KIF26B: variants seen among roughly 807,000 people sequenced by gnomAD.
KIF26B encodes kinesin-like protein KIF26B.
KIF26B carries 63 observed loss-of-function variants against 151.2 expected under a neutral mutation model. The ratio of observed to expected loss-of-function variants is 0.42; its 90% confidence interval spans 0.34 to 0.51. The LOEUF is 0.51. KIF26B is among the 20% of genes least tolerant of loss of function. The pLI, the probability that KIF26B is intolerant of heterozygous loss-of-function variation, is 0.07. For synonymous variants in KIF26B, 1,357 were observed against 1,262.1 expected, an observed-to-expected ratio of 1.08 and a Z score of -1.59; for missense variants, 2,813 against 2,913.6, an observed-to-expected ratio of 0.97 and a Z score of 0.79.
chr1:245,443,428 AC>A (rs1269491469), intron 4 of KIF26B, among the ~76,000 whole-genome samples: 2 of 65,234 alleles, frequency 3.1e-5, no homozygotes, highest in Admixed American at 1.6e-4. Context: ...CTCACTGTTC[AC>A]CCTGCGGTCA....
intron 2 of KIF26B, among the ~76,000 whole-genome samples, chr1:245,295,560 C>T (rs1456751013): frequency 1.3e-5 from 2 of 152,224 alleles, no homozygotes; most frequent in South Asian, 2.1e-4. Flanking sequence ...CATTCAGTGG[C>T]GTTTTCAGTC....
chr1:245,683,789 C>A (rs570519573), intron 10 of KIF26B, among the ~76,000 whole-genome samples: 61 of 152,300 alleles, frequency 4.0e-4, no homozygotes, highest in African/African-American at 1.4e-3. Context: ...ATCTTTAATC[C>A]AGGTTCGTGG....
intron 2 of KIF26B, among the ~76,000 whole-genome samples, chr1:245,324,978 C>T (rs887595562): frequency 6.6e-6 from 1 of 151,546 alleles, no homozygotes; most frequent in African/African-American, 2.4e-5. Context: ...ACCTGTAATC[C>T]CACCTACTCA....
intron 5 of KIF26B, among the ~76,000 whole-genome samples, chr1:245,558,880 G>A (rs1047638232): frequency 1.3e-5 from 2 of 152,210 alleles, no homozygotes; most frequent in Admixed American, 6.5e-5. Flanking sequence ...GTGACTGAAT[G>A]CATTTTTCTG....
At chr1:245,640,143 C>CTCTCTCTCTCTATATATATATATATATA in intron 9 of KIF26B, among the ~76,000 whole-genome samples, 1 of 31,922 alleles carries the variant, frequency 3.1e-5, no homozygotes, top group African/African-American at 1.4e-4. Flanking sequence ...CTCTCTCTCT[C>CTCTCTCTCTCTATATATATATATATATA]TATATATATA....
rs542625814 is a variant in KIF26B, at chr1:245,631,487, G to A, written c.2099-14634G>A. ...CTAGGATAAATCCCACTTGATTATG[G>A]TGTATTATGTTATTGGTGTGTTGTT... On this transcript the variant is annotated intron_variant, in intron 9 of 14. Transcript: ENST00000407071. Among the ~76,000 whole-genome samples the A allele has an allele frequency of 3.3e-5, 5 of 152,196 alleles. No individual in the cohort carries two copies. In the South Asian group the frequency reaches 8.3e-4, roughly 25 times the overall value.
chr1:245,491,480 G>A (rs1430055018), intron 4 of KIF26B, among the ~76,000 whole-genome samples: 1 of 152,156 alleles, frequency 6.6e-6, no homozygotes, highest in Admixed American at 6.5e-5. Context: ...GCATGATCCT[G>A]ACCTAACTTG....
At chr1:245,481,786 C>T (rs1660172792) in intron 4 of KIF26B, among the ~76,000 whole-genome samples, 1 of 151,740 alleles carries the variant, frequency 6.6e-6, no homozygotes, top group Non-Finnish European at 1.5e-5. Context: ...CTTCAGAATT[C>T]CCCTAGTGCC....
intron 2 of KIF26B, among the ~76,000 whole-genome samples, chr1:245,329,023 A>G (rs996584566): frequency 1.3e-5 from 2 of 152,220 alleles, no homozygotes; most frequent in Non-Finnish European, 2.9e-5. Flanking sequence ...AAAAGGCATG[A>G]AATTGTGGAT....
In KIF26B at chr1:245,686,542, G is replaced by A. The variant is rs369063711; in HGVS notation, c.3559G>A (p.Glu1187Lys). 17 of 1,613,122 alleles carry A rather than the reference G, an allele frequency of 1.1e-5. No homozygotes were observed. The highest frequency in any genetic ancestry group is 3.3e-5 in the South Asian group (3 of 91,070). The change falls in exon 12 of 15, where the codon GAG (glutamate) becomes AAG (lysine). Residue 1187 changes from glutamate to lysine, a missense_variant. Transcript: ENST00000407071. This position sits in a 1 kb window ranked among gnomAD's most constrained non-coding sequence, Gnocchi z 5.6. ...QQPLELNGED[E>K]LVFTLVEELT... ...GCCACTGGAGCTGAACGGTGAGGAC[G>A]AGCTGGTGTTCACGCTGGTGGAGGA... is the stretch of plus-strand genomic sequence containing the variant.
chr1:245,157,661 G>A (rs1478588553), intron 2 of KIF26B, among the ~76,000 whole-genome samples: 1 of 152,194 alleles, frequency 6.6e-6, no homozygotes, highest in African/African-American at 2.4e-5. Context: ...AACTTAAAAT[G>A]GGGGAAATGA....
rs985884509 is a variant in KIF26B at position 245,681,278 on chromosome 1, C to T, written c.2259-2955C>T. Among the ~76,000 whole-genome samples, 11 of 151,544 alleles carry T rather than the reference C, an allele frequency of 7.3e-5. No homozygotes were observed. In the South Asian group the frequency reaches 1.5e-3, roughly 20 times the overall value. On this transcript the variant is annotated intron_variant, in intron 10 of 14. Coordinates refer to ENST00000407071, the MANE Select transcript of KIF26B (RefSeq NM_018012.4). ...AGGCTGAAGTGCAGTGGCGCGATCACGGCTCACTGCAAGCTCCACCCCCCG... is the reference window on the plus strand; with the variant it reads ...AGGCTGAAGTGCAGTGGCGCGATCATGGCTCACTGCAAGCTCCACCCCCCG...
chr1:245,521,932 C>G (rs181098206), intron 4 of KIF26B, among the ~76,000 whole-genome samples: 22,388 of 148,184 alleles, frequency 0.15, 2,194 homozygotes, highest in Middle Eastern at 0.28. Flanking sequence ...TGCAGTGGTG[C>G]GATCTCGGCT....
chr1:245,457,852 C>T (rs1213562407), intron 4 of KIF26B, among the ~76,000 whole-genome samples: 2 of 152,154 alleles, frequency 1.3e-5, no homozygotes, highest in African/African-American at 4.8e-5. Context: ...GTTGCTACAA[C>T]GAGCATTGTT....
chr1:245,641,276 A>G (rs2043888977), intron 9 of KIF26B, among the ~76,000 whole-genome samples: 1 of 130,878 alleles, frequency 7.6e-6, no homozygotes, highest in South Asian at 2.2e-4. Flanking sequence ...TTTGCCTTTG[A>G]CCTTTGTGAG....
chr1:245,506,785 A>G (rs181538363), intron 4 of KIF26B, among the ~76,000 whole-genome samples: 45 of 152,310 alleles, frequency 3.0e-4, no homozygotes, highest in African/African-American at 1.0e-3. Context: ...GGTTCAAGCA[A>G]TTCTCCTGCC....
chr1:245,599,270 T>C (rs1363858225), intron 5 of KIF26B, among the ~76,000 whole-genome samples: 3 of 152,084 alleles, frequency 2.0e-5, no homozygotes, highest in Admixed American at 1.3e-4. Context: ...TTCCTTCCTT[T>C]AAGGGAAAAA....
chr1:245,178,802 T>C (rs6702115), intron 2 of KIF26B, among the ~76,000 whole-genome samples: 31,491 of 152,058 alleles, frequency 0.21, 4,385 homozygotes, highest in East Asian at 0.4. Flanking sequence ...GTACCGCCTG[T>C]GACGTGGGCT....
At chr1:245,538,607 A>G (rs1661535695) in intron 4 of KIF26B, among the ~76,000 whole-genome samples, 1 of 152,132 alleles carries the variant, frequency 6.6e-6, no homozygotes, top group African/African-American at 2.4e-5. Context: ...GCCTTTCAGT[A>G]TCACTCCCTT....
Sources: allele counts gnomAD v4.1 joint callset (sites outside exome capture counted in the v4.1 genomes callset), GRCh38; gene constraint gnomAD v4.1.1; non-coding constraint Gnocchi (gnomAD v3.1); transcripts MANE v1.5; gene names NCBI Gene and HGNC (gene_info 2026-07-23, HGNC 2026-07-21).